Variants in GPR107 observed in about 807,000 individuals in gnomAD.
GPR107 encodes the protein protein GPR107.
Under a neutral mutation model 75.5 loss-of-function variants are expected in GPR107, and 31 were observed. The observed-to-expected ratio is 0.41, with a 90% CI of 0.31 to 0.55. The LOEUF is 0.55. GPR107 is among the 20% of genes least tolerant of loss of function. The pLI, the probability that GPR107 is intolerant of heterozygous loss-of-function variation, is 0.26. For missense variants in GPR107, 572 were observed against 665.7 expected, an observed-to-expected ratio of 0.86 and a Z score of 1.55; for synonymous variants, 267 against 251.3, an observed-to-expected ratio of 1.06 and a Z score of -0.59.
At chr9:130,083,632 CT>C in intron 6 of GPR107, 30 bp downstream of exon 6, 1 of 1,439,568 alleles carries the variant, frequency 6.9e-7, no homozygotes, top group Non-Finnish European at 9.3e-7. Context: ...TTGTGCTCAG[CT>C]TTTCTGGATA....
intron 9 of GPR107, among the ~76,000 whole-genome samples, chr9:130,093,247 A>G (rs1830784190): frequency 1.3e-5 from 2 of 152,120 alleles, no homozygotes; most frequent in Non-Finnish European, 1.5e-5. Flanking sequence ...AACTTCCTGT[A>G]CTTGGTTCTT....
intron 9 of GPR107, among the ~76,000 whole-genome samples, chr9:130,093,009 AC>A (rs1207015373): frequency 6.6e-6 from 1 of 152,164 alleles, no homozygotes; most frequent in African/African-American, 2.4e-5. Flanking sequence ...CTGAGAGTAA[AC>A]ACATGGGTCT....
At chr9:130,062,036 A>C (rs1829938012) in intron 1 of GPR107, among the ~76,000 whole-genome samples, 1 of 152,146 alleles carries the variant, frequency 6.6e-6, no homozygotes. Flanking sequence ...TGCCACTCGG[A>C]TTCTTAGTTT....
chr9:130,110,369 G>C (rs1318157413), intron 14 of GPR107: 1 of 1,531,790 alleles, frequency 6.5e-7, no homozygotes, highest in Non-Finnish European at 8.9e-7. Context: ...TTTTCCACCA[G>C]GTGACAGCAT....
Position 130,104,474 on chromosome 9 carries a change from G to C in GPR107, c.1186G>C (p.Glu396Gln), listed in dbSNP as rs746980945. The change falls in exon 13 of 18, where the codon GAA becomes CAA. Residue 396 changes from glutamate (E) to glutamine (Q), a missense_variant. Glu to Gln is a conservative substitution (Grantham distance 29). Coordinates refer to ENST00000347136, the MANE Select transcript of GPR107 (RefSeq NM_020960.5). ...IIESTEEGTT[E>Q]YGLWKDSLFL... ...AGAGTCCACCGAGGAGGGCACGACT[G>C]AATATGGCTTGTGGAAGGACTCTCT... is the stretch of plus-strand genomic sequence containing the variant. 5 of 1,613,182 alleles carry C rather than the reference G, an allele frequency of 3.1e-6. No homozygotes were observed. Among genetic ancestry groups the C allele is most frequent in the Non-Finnish European group, 4.2e-6 (5 of 1,179,086 alleles).
intron 1 of GPR107, among the ~76,000 whole-genome samples, chr9:130,060,306 G>A (rs1829897144): frequency 6.6e-6 from 1 of 151,548 alleles, no homozygotes; most frequent in South Asian, 2.1e-4. Flanking sequence ...CAGATGTTCT[G>A]CCCACTTTGG....
chr9:130,077,496 G>A, intron 4 of GPR107, 118 bp downstream of exon 4: 1 of 669,826 alleles, frequency 1.5e-6, no homozygotes. Context: ...GAGTGCTGGA[G>A]ATTCAAGACA....
At chr9:130,086,239 C>T (rs1830613260) in intron 6 of GPR107, among the ~76,000 whole-genome samples, 181 bp from the exon 7 acceptor site, 2 of 152,160 alleles carry the variant, frequency 1.3e-5, no homozygotes. Flanking sequence ...AACTACCATT[C>T]TCTGTGAAAG....
intron 14 of GPR107, among the ~76,000 whole-genome samples, chr9:130,124,344 G>C (rs1831621736): frequency 6.6e-6 from 1 of 152,178 alleles, no homozygotes; most frequent in Non-Finnish European, 1.5e-5. Flanking sequence ...AGCTGACCTT[G>C]AGCATGCATG....
At chr9:130,062,067 T>C (rs1200627932) in intron 1 of GPR107, among the ~76,000 whole-genome samples, 1 of 152,138 alleles carries the variant, frequency 6.6e-6, no homozygotes, top group Non-Finnish European at 1.5e-5. Context: ...AAAATAAGGA[T>C]AATGGTAGCT....
At chr9:130,069,982 C>CTT in intron 1 of GPR107, among the ~76,000 whole-genome samples, 1 of 64,940 alleles carries the variant, frequency 1.5e-5, no homozygotes, top group South Asian at 5.6e-4. Context: ...CGTGCCTGGC[C>CTT]TCTTTTTTTT....
At position 130,112,707 on chromosome 9, in the gene GPR107, G is replaced by A. The variant is rs1351190615; in HGVS notation, c.1306+5168G>A. On this transcript the variant is annotated intron_variant, in intron 14 of 17. Coordinates refer to ENST00000347136, the MANE Select transcript of GPR107 (RefSeq NM_020960.5). This position sits in a 1 kb window ranked among gnomAD's most constrained non-coding sequence, Gnocchi z 4.0. Reference sequence around the variant, plus strand: ...AAGTACGTGTGCACTTGTTTGAATTGCAAGCTGAACTAGCTGCTTTTATTT... The same window carrying A: ...AAGTACGTGTGCACTTGTTTGAATTACAAGCTGAACTAGCTGCTTTTATTT... Among the ~76,000 whole-genome samples, 3 of 152,110 alleles carry A rather than the reference G, an allele frequency of 2.0e-5. No individual in the cohort carries two copies. The highest frequency in any genetic ancestry group is 2.9e-5 in the Non-Finnish European group (2 of 68,010).
chr9:130,082,126 AC>A (rs745305987), intron 5 of GPR107, among the ~76,000 whole-genome samples: 1 of 152,120 alleles, frequency 6.6e-6, no homozygotes, highest in South Asian at 2.1e-4. Flanking sequence ...CTCACTCCTT[AC>A]CACAAGGAGG....
At chr9:130,069,147 T>A (rs1830137594) in intron 1 of GPR107, among the ~76,000 whole-genome samples, 1 of 152,220 alleles carries the variant, frequency 6.6e-6, no homozygotes, top group Non-Finnish European at 1.5e-5. Flanking sequence ...ACTAGCCTAA[T>A]GATTTTATGC....
Position 130,053,959 on chromosome 9 carries a change from C to T in GPR107, c.27C>T (p.Ser9=), listed in dbSNP as rs1436770476. 12 of 1,555,498 alleles carry T rather than the reference C, an allele frequency of 7.7e-6. No individual in the cohort carries two copies. The highest frequency in any genetic ancestry group is 1.2e-5 in the South Asian group (1 of 84,626). ...TGGCCGCTCTGGCGCCCGTCGGCTCCCCCGCCTCCCGCGGTCCTAGGCTGG... is the reference window on the plus strand; with the variant it reads ...TGGCCGCTCTGGCGCCCGTCGGCTCTCCCGCCTCCCGCGGTCCTAGGCTGG... The part of the protein sequence containing the change: MAALAPVG[S]PASRGPRLAA... Residue 9 remains serine (S), a synonymous_variant, in exon 1 of 18, where the codon TCC becomes TCT. Coordinates refer to ENST00000347136, the MANE Select transcript of GPR107 (RefSeq NM_020960.5).
chr9:130,129,531 CA>C (rs1825362259), intron 17 of GPR107: 1 of 152,308 alleles, frequency 6.6e-6, no homozygotes, highest in African/African-American at 2.4e-5. Flanking sequence ...GGTCAGGCAG[CA>C]TGGGACAGCT....
At chr9:130,127,423 T>TA (rs2132653289) in intron 15 of GPR107, 60 bp from the exon 16 acceptor site, 2 of 880,524 alleles carry the variant, frequency 2.3e-6, no homozygotes, top group East Asian at 2.4e-5. Context: ...AGCAAATTGT[T>TA]AAAGTGGTGT....
intron 9 of GPR107, among the ~76,000 whole-genome samples, chr9:130,097,281 AGTAGCTGGGACTATAGGCATGTAC>A (rs1425738277): frequency 1.3e-5 from 2 of 149,708 alleles, no homozygotes; most frequent in Non-Finnish European, 3.0e-5. Context: ...CACCCTCCTG[AGTAGCTGGGACTATAGGCATGTAC>A]GCCCATGCCG....
At chr9:130,128,204 G>C (rs1831731491) in intron 16 of GPR107, among the ~76,000 whole-genome samples, 1 of 152,188 alleles carries the variant, frequency 6.6e-6, no homozygotes, top group African/African-American at 2.4e-5. Flanking sequence ...TTAGTTACAG[G>C]GCTGAGTAGT....
Sources: allele counts gnomAD v4.1 joint callset (sites outside exome capture counted in the v4.1 genomes callset), GRCh38; gene constraint gnomAD v4.1.1; non-coding constraint Gnocchi (gnomAD v3.1); transcripts MANE v1.5; gene names NCBI Gene and HGNC (gene_info 2026-07-23, HGNC 2026-07-21).